Variants in CTNNA3 observed in about 807,000 individuals in gnomAD.
CTNNA3 encodes catenin alpha-3.
A neutral mutation model predicts 95.7 loss-of-function variants in CTNNA3; 76 were observed. The ratio of observed to expected loss-of-function variants is 0.79; its 90% confidence interval spans 0.66 to 0.96. The LOEUF (loss-of-function observed/expected upper bound fraction) is 0.96, where lower values mean the gene tolerates loss of function less well. CTNNA3 is among the 40% of genes least tolerant of loss of function. The pLI, the probability that CTNNA3 is intolerant of heterozygous loss-of-function variation, is 0.00. For synonymous variants in CTNNA3, 431 were observed against 374.4 expected (o/e 1.15, Z -1.74); for missense variants, 1,191 against 1,089.8 (o/e 1.09, Z -1.31).
chr10:67,549,010 C>A (rs1589413323), intron 3 of CTNNA3, among the ~76,000 whole-genome samples: 1 of 152,062 alleles, frequency 6.6e-6, no homozygotes, highest in African/African-American at 2.4e-5. Context: ...AAATGACATT[C>A]TATCATAAAT....
intron 11 of CTNNA3, among the ~76,000 whole-genome samples, chr10:66,431,868 G>A (rs1313076486): frequency 1.3e-5 from 2 of 151,950 alleles, no homozygotes; most frequent in East Asian, 3.9e-4. Context: ...TGCACGTTGT[G>A]CACATGTACC....
At chr10:66,486,541 A>G (rs1338904667) in intron 11 of CTNNA3, among the ~76,000 whole-genome samples, 1 of 152,162 alleles carries the variant, frequency 6.6e-6, no homozygotes, top group African/African-American at 2.4e-5. Flanking sequence ...GACAAGAGAT[A>G]AGAAGTATGG....
intron 11 of CTNNA3, among the ~76,000 whole-genome samples, chr10:66,418,497 G>T (rs1189718293): frequency 6.6e-6 from 1 of 150,742 alleles, no homozygotes; most frequent in Non-Finnish European, 1.5e-5. Context: ...GTAGGGGACT[G>T]ATTTCTTCCT....
chr10:65,951,887 G>A (rs548524188), intron 17 of CTNNA3, among the ~76,000 whole-genome samples: 9 of 152,122 alleles, frequency 5.9e-5, no homozygotes, highest in Non-Finnish European at 1.3e-4. Context: ...AAAATTAGCC[G>A]GGCGTGATGG....
intron 15 of CTNNA3, among the ~76,000 whole-genome samples, chr10:66,002,591 G>A (rs545732697): frequency 2.0e-5 from 3 of 152,236 alleles, no homozygotes; most frequent in Non-Finnish European, 2.9e-5. Context: ...TAGTCCAGGC[G>A]AATTGTGGGT....
chr10:67,073,095 A>G (rs566234419), intron 7 of CTNNA3, among the ~76,000 whole-genome samples: 3 of 152,310 alleles, frequency 2.0e-5, no homozygotes, highest in East Asian at 3.9e-4. Flanking sequence ...CCCTCAGGGA[A>G]ATAAATACAT....
chr10:67,064,868 A>C (rs2764810), intron 7 of CTNNA3, among the ~76,000 whole-genome samples: 77,101 of 151,810 alleles, frequency 0.51, 19,915 homozygotes, highest in Middle Eastern at 0.64. Flanking sequence ...TTTATATGTA[A>C]GTATTTGCAG....
At chr10:65,935,518 T>A (rs1054287303) in intron 17 of CTNNA3, among the ~76,000 whole-genome samples, 3 of 152,188 alleles carry the variant, frequency 2.0e-5, no homozygotes, top group African/African-American at 7.2e-5. Flanking sequence ...TTTTTATTTT[T>A]ACAGAAATCT....
chr10:67,556,149 G>T (rs573119315), intron 3 of CTNNA3, among the ~76,000 whole-genome samples: 1 of 152,174 alleles, frequency 6.6e-6, no homozygotes, highest in African/African-American at 2.4e-5. Flanking sequence ...TGCTGGATTC[G>T]GTTTGCCAAT....
chr10:67,655,579 G>A (rs1035166867), intron 1 of CTNNA3, among the ~76,000 whole-genome samples: 2 of 152,112 alleles, frequency 1.3e-5, no homozygotes, highest in African/African-American at 4.8e-5. Context: ...ACAATCTCCT[G>A]AGGTCAGGAG....
intron 3 of CTNNA3, among the ~76,000 whole-genome samples, chr10:67,585,095 A>G (rs77909406): frequency 0.022 from 3,310 of 152,252 alleles, 44 homozygotes; most frequent in South Asian, 0.034. Context: ...AGTGAGACGA[A>G]CCTGGTACCT....
At chr10:66,867,563 G>T (rs1844228462) in intron 7 of CTNNA3, among the ~76,000 whole-genome samples, 1 of 152,030 alleles carries the variant, frequency 6.6e-6, no homozygotes, top group Non-Finnish European at 1.5e-5. Flanking sequence ...GAGGATGAGG[G>T]TACAGAGAGG....
chr10:66,809,799 C>G (rs1183674576), intron 7 of CTNNA3, among the ~76,000 whole-genome samples: 1 of 135,532 alleles, frequency 7.4e-6, no homozygotes. Context: ...CCTAGAATTG[C>G]TGATTTCTTT....
At chr10:67,745,533 A>T (rs1037339320) in intron 1 of CTNNA3, among the ~76,000 whole-genome samples, 2 of 148,122 alleles carry the variant, frequency 1.4e-5, no homozygotes, top group Non-Finnish European at 3.0e-5. Flanking sequence ...GGGGGGAGGG[A>T]TAGCATTAGG....
chr10:67,651,942 G>T (rs1839889423), intron 1 of CTNNA3, among the ~76,000 whole-genome samples: 1 of 152,102 alleles, frequency 6.6e-6, no homozygotes, highest in Non-Finnish European at 1.5e-5. Flanking sequence ...AAGAATATTT[G>T]CTCTTCTCTA....
chr10:66,815,804 A>G (rs1275751369), intron 7 of CTNNA3, among the ~76,000 whole-genome samples: 2 of 152,232 alleles, frequency 1.3e-5, no homozygotes, highest in Non-Finnish European at 2.9e-5. Flanking sequence ...TCAGGAAAAG[A>G]AAAAGTGAGA....
chr10:66,267,816 G>T (rs1321246029), intron 13 of CTNNA3, among the ~76,000 whole-genome samples: 2 of 152,078 alleles, frequency 1.3e-5, no homozygotes, highest in East Asian at 3.9e-4. Flanking sequence ...TTAGAAGAGG[G>T]TATCAAAAAG....
intron 1 of CTNNA3, among the ~76,000 whole-genome samples, chr10:67,665,048 C>G: frequency 6.6e-6 from 1 of 152,294 alleles, no homozygotes; most frequent in Non-Finnish European, 1.5e-5. Flanking sequence ...GTTTCTAGTG[C>G]CTTGCATACA....
intron 7 of CTNNA3, among the ~76,000 whole-genome samples, chr10:66,950,361 A>ATT (rs201554861): frequency 4.6e-5 from 7 of 151,522 alleles, no homozygotes; most frequent in African/African-American, 1.7e-4. Context: ...AAAATCTTAC[A>ATT]TTTTTTTTGT....
Sources: allele counts gnomAD v4.1 joint callset (sites outside exome capture counted in the v4.1 genomes callset), GRCh38; gene constraint gnomAD v4.1.1; transcripts MANE v1.5; gene names NCBI Gene and HGNC (gene_info 2026-07-23, HGNC 2026-07-21).